The following CPQ variants were observed in gnomAD, a reference collection of about 807,000 sequenced individuals.
The protein encoded by CPQ is Ser-Met dipeptidase.
Under a neutral mutation model 45.7 loss-of-function variants are expected in CPQ, and 37 were observed. The ratio of observed to expected loss-of-function variants is 0.81; its 90% CI spans 0.62 to 1.07. CPQ has a LOEUF of 1.07. Among genes scored for constraint, CPQ ranks in the 50% least tolerant of loss-of-function variants. The pLI is 0.00. For missense variants in CPQ, 537 were observed against 572.9 expected, an observed-to-expected ratio of 0.94 and a Z score of 0.64; for synonymous variants, 186 against 205.8, an observed-to-expected ratio of 0.90 and a Z score of 0.82.
intron 2 of CPQ, among the ~76,000 whole-genome samples, chr8:96,803,622 A>G (rs1005313232): frequency 6.6e-6 from 1 of 152,182 alleles, no homozygotes; most frequent in Non-Finnish European, 1.5e-5. Flanking sequence ...GGTTGATTCC[A>G]TAAAAGGTAG....
At chr8:96,700,338 C>A (rs879573024) in intron 1 of CPQ, among the ~76,000 whole-genome samples, 1 of 151,944 alleles carries the variant, frequency 6.6e-6, no homozygotes, top group Admixed American at 6.6e-5. Flanking sequence ...TTTCATGGTT[C>A]CTATGGCTTG....
At chr8:96,657,612 T>C (rs1389378369) in intron 1 of CPQ, among the ~76,000 whole-genome samples, 2 of 152,238 alleles carry the variant, frequency 1.3e-5, no homozygotes, top group African/African-American at 4.8e-5. Context: ...GCTGATGTCA[T>C]GCCTACATGT....
intron 6 of CPQ, among the ~76,000 whole-genome samples, chr8:97,058,025 A>G (rs1266316960): frequency 6.6e-6 from 1 of 152,168 alleles, no homozygotes; most frequent in Non-Finnish European, 1.5e-5. Context: ...AGAAAATATA[A>G]TTATTTCTAA....
chr8:96,773,081 A>G (rs1266777026), intron 1 of CPQ, among the ~76,000 whole-genome samples: 1 of 152,206 alleles, frequency 6.6e-6, no homozygotes, highest in Non-Finnish European at 1.5e-5. Flanking sequence ...TTATAAAAGA[A>G]AATTCTGGAT....
chr8:97,134,482 G>A (rs1163337592), intron 7 of CPQ, among the ~76,000 whole-genome samples: 3 of 152,228 alleles, frequency 2.0e-5, no homozygotes, highest in Non-Finnish European at 4.4e-5. Flanking sequence ...GATGGGCTTG[G>A]TGTCAGGTAG....
At chr8:97,041,255 G>A (rs1478247976) in intron 6 of CPQ, among the ~76,000 whole-genome samples, 4 of 152,114 alleles carry the variant, frequency 2.6e-5, no homozygotes, top group Non-Finnish European at 5.9e-5. Flanking sequence ...AATTGTGAAT[G>A]GGAGTTCACT....
At chr8:96,954,792 T>A (rs1338869835) in intron 4 of CPQ, among the ~76,000 whole-genome samples, 1 of 151,854 alleles carries the variant, frequency 6.6e-6, no homozygotes. Flanking sequence ...TTCCCCTTCC[T>A]GTGTCCAAGT....
chr8:96,746,932 A>G (rs1810192947), intron 1 of CPQ, among the ~76,000 whole-genome samples: 1 of 152,092 alleles, frequency 6.6e-6, no homozygotes, highest in African/African-American at 2.4e-5. Context: ...AATATTTCCC[A>G]CAGGTTTCTG....
At chr8:96,995,672 A>T (rs1187863161) in intron 5 of CPQ, among the ~76,000 whole-genome samples, 12 of 150,926 alleles carry the variant, frequency 8.0e-5, no homozygotes, top group African/African-American at 2.9e-4. Context: ...TTTTTTTTAA[A>T]AAAAAAACAC....
At chr8:96,968,649 A>G (rs772392497) in intron 5 of CPQ, among the ~76,000 whole-genome samples, 1 of 152,246 alleles carries the variant, frequency 6.6e-6, no homozygotes, top group African/African-American at 2.4e-5. Context: ...TGTGTCATGC[A>G]GCATGTCAGA....
chr8:96,675,840 T>C (rs964221214), intron 1 of CPQ, among the ~76,000 whole-genome samples: 2 of 152,076 alleles, frequency 1.3e-5, no homozygotes, highest in Non-Finnish European at 1.5e-5. Flanking sequence ...ATATATTTTC[T>C]TGCTTTTAGA....
chr8:97,001,893 C>A (rs1809289727), intron 5 of CPQ, among the ~76,000 whole-genome samples: 1 of 151,530 alleles, frequency 6.6e-6, no homozygotes, highest in Admixed American at 6.6e-5. Flanking sequence ...ATCCATCTGG[C>A]CTTGAGCTTT....
At chr8:97,063,401 A>G (rs1810585848) in intron 6 of CPQ, among the ~76,000 whole-genome samples, 1 of 152,190 alleles carries the variant, frequency 6.6e-6, no homozygotes, top group African/African-American at 2.4e-5. Context: ...CATAGCTTGC[A>G]AAACTTTTCT....
chr8:96,812,360 A>G (rs2130830080), intron 2 of CPQ, among the ~76,000 whole-genome samples: 1 of 152,290 alleles, frequency 6.6e-6, no homozygotes, highest in African/African-American at 2.4e-5. Context: ...AAGGATTAAA[A>G]GCACCTTCAA....
intron 6 of CPQ, among the ~76,000 whole-genome samples, chr8:97,044,755 A>G (rs983434979): frequency 6.6e-6 from 1 of 152,150 alleles, no homozygotes; most frequent in African/African-American, 2.4e-5. Context: ...TCCACTCCCG[A>G]CCCTGTTTGC....
intron 2 of CPQ, among the ~76,000 whole-genome samples, chr8:96,794,629 C>T (rs1239518643): frequency 6.6e-6 from 1 of 152,180 alleles, no homozygotes; most frequent in African/African-American, 2.4e-5. Flanking sequence ...ATGGGATTCT[C>T]TTTACTATCA....
chr8:97,027,546 G>A (rs910447555), intron 5 of CPQ, among the ~76,000 whole-genome samples: 1 of 152,088 alleles, frequency 6.6e-6, no homozygotes, highest in African/African-American at 2.4e-5. Flanking sequence ...CATAAGTTCA[G>A]GTAAATACAT....
At chr8:96,910,205 TGAA>T (rs1329291584) in intron 4 of CPQ, among the ~76,000 whole-genome samples, 3 of 152,148 alleles carry the variant, frequency 2.0e-5, no homozygotes, top group African/African-American at 7.2e-5. Flanking sequence ...TTATGATAGA[TGAA>T]GAGATATTGG....
Position 96,901,038 on chromosome 8 carries a change from G to A in CPQ, c.849+21033G>A, listed in dbSNP as rs542660430. ...CCTTGGAGAGATATATTCCTTGAGC[G>A]CAGGACTCTTTAGCCCAGGTTCTGG... On this transcript the variant is annotated intron_variant, in intron 4 of 7. Coordinates refer to ENST00000220763, the MANE Select transcript of CPQ (RefSeq NM_016134.4). Among the ~76,000 whole-genome samples the A allele has an allele frequency of 2.8e-4, 43 of 152,158 alleles. 1 individual carries two copies. In the East Asian group the frequency reaches 4.3e-3, roughly 15 times the overall value.
Sources: allele counts gnomAD v4.1 joint callset (sites outside exome capture counted in the v4.1 genomes callset), GRCh38; gene constraint gnomAD v4.1.1; transcripts MANE v1.5; gene names NCBI Gene and HGNC (gene_info 2026-07-23, HGNC 2026-07-21).